The following WTAP variants were observed in gnomAD, a reference collection of about 807,000 sequenced individuals.
WTAP encodes WT1 associated protein.
In WTAP, 8 loss-of-function variants were observed where a neutral mutation model predicts 50.0. That is an observed-to-expected ratio of 0.16 (90% CI 0.09 to 0.29). The LOEUF (loss-of-function observed/expected upper bound fraction) is 0.29, where lower values mean the gene tolerates loss of function less well. Ranked by LOEUF, WTAP falls within the 10% of genes least tolerant of loss-of-function variation. The probability of loss-of-function intolerance (pLI) is 1.00; values close to 1 mark genes in which losing one functional copy is unlikely to be tolerated. For missense variants in WTAP, 295 were observed against 470.7 expected (o/e 0.63, Z 3.45); for synonymous variants, 194 against 169.0 (o/e 1.15, Z -1.15).
intron 3 of WTAP, among the ~76,000 whole-genome samples, chr6:159,741,005 T>G (rs1779225291): frequency 6.6e-6 from 1 of 152,180 alleles, no homozygotes; most frequent in Non-Finnish European, 1.5e-5. Context: ...TTCATTATGT[T>G]GTAATATTAA....
rs1779763703 is a variant in WTAP at position 159,750,084 on chromosome 6, ACTTTT to A, written c.452+1717_452+1721del. Among the ~76,000 whole-genome samples the A allele has an allele frequency of 3.3e-5, 5 of 151,778 alleles. No individual in the cohort carries two copies. The South Asian group carries it at 1.0e-3, about 32-fold the overall frequency. On this transcript the variant is annotated intron_variant, in intron 6 of 7. Transcript: ENST00000621533. ...GTGGGTTGAAGAAGTGGTTTGTGTG[ACTTTT>A]CAGCAAGAAATCTGCTTCTAAAATT...
intron 1 of WTAP, among the ~76,000 whole-genome samples, chr6:159,728,102 G>C (rs1398923148): frequency 1.3e-5 from 2 of 152,246 alleles, no homozygotes; most frequent in Admixed American, 1.3e-4. Flanking sequence ...AGGAAAAAAA[G>C]AAACATTCGT....
chr6:159,738,861 T>A, intron 2 of WTAP, 129 bp from the exon 3 acceptor site: 1 of 584,476 alleles, frequency 1.7e-6, no homozygotes, highest in African/African-American at 1.9e-5. Context: ...AATAAAATAC[T>A]TTTTCAAAAA....
At position 159,755,466 on chromosome 6, in the gene WTAP, T is replaced by G. The variant is rs758466866; in HGVS notation, c.1046T>G (p.Leu349Arg). 6.2e-7 allele frequency: 1 copy of G among 1,613,982 alleles called. No individual in the cohort carries two copies. Among genetic ancestry groups the G allele is most frequent in the Non-Finnish European group, 8.5e-7 (1 of 1,180,004 alleles). The stretch of plus-strand genomic sequence containing the variant: ...TCTCCCACGGGCAGTGAAAACTCTC[T>G]CACACACCAATCAAATGACACAGAC... ...VDSPTGSENS[L>R]THQSNDTDSS... Residue 349 changes from leucine to arginine, a missense_variant, in exon 8 of 8, where the codon CTC (leucine) becomes CGC (arginine). Physicochemically the swap from Leu to Arg is moderately radical, Grantham distance 102. Around this residue, in one of 2 missense-constraint regions of WTAP, gnomAD observed 175 missense variants for 183.1 expected, o/e 0.96. Transcript: ENST00000621533.
At chr6:159,732,505 C>T (rs1168526219) in intron 1 of WTAP, among the ~76,000 whole-genome samples, 1 of 152,168 alleles carries the variant, frequency 6.6e-6, no homozygotes, top group Non-Finnish European at 1.5e-5. Flanking sequence ...ATGTACAGCT[C>T]AAATAGCTAA....
chr6:159,741,981 A>G (rs1779283276), intron 3 of WTAP, 107 bp from the exon 4 acceptor site: 1 of 823,496 alleles, frequency 1.2e-6, no homozygotes, highest in Non-Finnish European at 1.9e-6. Flanking sequence ...TGAAAAATCC[A>G]GAAGAATGCT....
At chr6:159,752,792 G>C (rs1583108134) in intron 6 of WTAP, among the ~76,000 whole-genome samples, 1 of 152,162 alleles carries the variant, frequency 6.6e-6, no homozygotes, top group Middle Eastern at 3.4e-3. Context: ...CCCTGTTTCC[G>C]AAGCTGGAAT....
intron 5 of WTAP, among the ~76,000 whole-genome samples, chr6:159,746,009 AT>A (rs1779555179): frequency 6.6e-6 from 1 of 152,206 alleles, no homozygotes; most frequent in African/African-American, 2.4e-5. Context: ...CAAAGATCAA[AT>A]TTTAAAAGAA....
intron 6 of WTAP, among the ~76,000 whole-genome samples, chr6:159,753,040 T>C (rs2114957383): frequency 6.6e-6 from 1 of 152,376 alleles, no homozygotes; most frequent in East Asian, 1.9e-4. Flanking sequence ...CTGATTTTCA[T>C]AAATATTTGT....
At chr6:159,727,273 C>T (rs1329326425), upstream of WTAP, 19 of 1,282,800 alleles carry the variant, frequency 1.5e-5, no homozygotes, top group Non-Finnish European at 1.9e-5. Context: ...CACCTTTCCT[C>T]TCCTGGCGGG....
intron 1 of WTAP, among the ~76,000 whole-genome samples, chr6:159,733,716 C>T (rs1375437965): frequency 6.6e-6 from 1 of 151,596 alleles, no homozygotes; most frequent in African/African-American, 2.4e-5. Context: ...GATTTCCAGA[C>T]CACCCTGACC....
At chr6:159,735,163 G>C (rs1462582447) in intron 1 of WTAP, among the ~76,000 whole-genome samples, 3 of 152,170 alleles carry the variant, frequency 2.0e-5, no homozygotes, top group Non-Finnish European at 4.4e-5. Flanking sequence ...GTTTGTTTGA[G>C]ATGGAGTCTC....
intron 4 of WTAP, 36 bp from the exon 5 acceptor site, chr6:159,743,629 T>G (rs1326733046): frequency 1.2e-5 from 18 of 1,559,130 alleles, no homozygotes; most frequent in Non-Finnish European, 1.6e-5. Context: ...AACTTGATCT[T>G]AAAATTGTAT....
intron 1 of WTAP, among the ~76,000 whole-genome samples, chr6:159,734,923 G>A (rs2114889997): frequency 6.6e-6 from 1 of 151,570 alleles, no homozygotes. Context: ...TTTTGTGTGT[G>A]GATTTGTAGT....
intron 3 of WTAP, among the ~76,000 whole-genome samples, chr6:159,741,417 A>G (rs911843607): frequency 2.0e-5 from 3 of 152,332 alleles, no homozygotes; most frequent in Admixed American, 1.3e-4. Flanking sequence ...AAAAGAGCCA[A>G]GATAAAGAAC....
chr6:159,753,424 T>G (rs1440), intron 6 of WTAP, 36 bp from the exon 7 acceptor site: 882,135 of 1,613,376 alleles, frequency 0.55, 249,357 homozygotes, highest in Admixed American at 0.62. Flanking sequence ...GAGAGTTTTG[T>G]CTTCATTTTG....
In WTAP at chr6:159,727,692, C is replaced by T. The variant is rs1205163850; in HGVS notation, c.-20C>T. 3 of 983,908 alleles carry T rather than the reference C, an allele frequency of 3.0e-6. No individual in the cohort carries two copies. In the South Asian group the frequency reaches 1.4e-4, roughly 46 times the overall value. The allele number at this position is 983,908 out of a possible 1,614,324, so 60.9% of individuals were successfully genotyped here. A position where few individuals can be genotyped will look rare whatever the true frequency, so the allele number is the denominator to read the frequency against. On this transcript the variant is annotated 5_prime_UTR_variant, in exon 1 of 8. Transcript: ENST00000621533. ...GCGACCGGTGGCGCCGGCGCGGCTT[C>T]TGCCTGGAGAGGTAGGCGCGGGCCG...
upstream of WTAP, chr6:159,727,291 G>A (rs1039645327): frequency 7.8e-7 from 1 of 1,282,380 alleles, no homozygotes; most frequent in East Asian, 5.8e-5. Flanking sequence ...GGGGTTCGGC[G>A]GCGGGCGAGT....
intron 1 of WTAP, among the ~76,000 whole-genome samples, chr6:159,729,665 C>T (rs1778446064): frequency 6.6e-6 from 1 of 152,204 alleles, no homozygotes; most frequent in African/African-American, 2.4e-5. Flanking sequence ...GACTTGGAAA[C>T]TGCAAGAGTT....
Sources: allele counts gnomAD v4.1 joint callset (sites outside exome capture counted in the v4.1 genomes callset), GRCh38; gene constraint gnomAD v4.1.1; regional missense constraint gnomAD v4.1.1; transcripts MANE v1.5; gene names NCBI Gene and HGNC (gene_info 2026-07-23, HGNC 2026-07-21).